Variants in RAET1E observed in about 807,000 individuals in gnomAD.
RAET1E encodes the protein retinoic acid early transcript 1E, also known as NKG2D ligand 4.
Under a neutral mutation model 21.1 loss-of-function variants are expected in RAET1E, and 27 were observed. The ratio of observed to expected loss-of-function variants is 1.28; its 90% CI spans 0.94 to 1.76. RAET1E has a LOEUF of 1.76. RAET1E is among the 40% of genes most tolerant of loss of function. The pLI, the probability that RAET1E is intolerant of heterozygous loss-of-function variation, is 0.00. For synonymous variants in RAET1E, 113 were observed against 115.0 expected (o/e 0.98, Z 0.11); for missense variants, 310 against 311.3 (o/e 1.00, Z 0.03).
rs926472343 is a variant in RAET1E at position 149,887,858 on chromosome 6, G to A, written c.*640C>T. Among the ~76,000 whole-genome samples, 2 of 152,184 alleles carry A rather than the reference G, an allele frequency of 1.3e-5. No homozygotes were observed. Among genetic ancestry groups the A allele is most frequent in the South Asian group, 2.1e-4 (1 of 4,832 alleles). On this transcript the variant is annotated 3_prime_UTR_variant, in exon 6 of 6. Transcript: ENST00000357183. ...GAATTCTTCATGTCAGAGCAGTGGCGGAGAAACAGGACCAAAGAGCAGAAG... is the reference window on the plus strand; with the variant it reads ...GAATTCTTCATGTCAGAGCAGTGGCAGAGAAACAGGACCAAAGAGCAGAAG...
In RAET1E at chr6:149,886,635, T is replaced by C. The variant is rs1192862128; in HGVS notation, c.*1863A>G. Among the ~76,000 whole-genome samples the C allele has an allele frequency of 6.6e-6, 1 of 152,220 alleles. No individual in the cohort carries two copies. Among genetic ancestry groups the C allele is most frequent in the African/African-American group, 2.4e-5 (1 of 41,462 alleles). On this transcript the variant is annotated 3_prime_UTR_variant, in exon 6 of 6. Transcript: ENST00000357183. ...GTCTCGAACTCCTGACCTCAAATGA[T>C]CCACCCAACTTGGCCTCCCAAAGTG...
At position 149,886,936 on chromosome 6, in the gene RAET1E, C is replaced by T. The variant is rs60731777; in HGVS notation, c.*1562G>A. Among the ~76,000 whole-genome samples, 9 of 152,282 alleles carry T rather than the reference C, an allele frequency of 5.9e-5. No homozygotes were observed. The highest frequency in any genetic ancestry group is 3.9e-4 in the East Asian group (2 of 5,178). The stretch of plus-strand genomic sequence containing the variant: ...CTTCCCCGTGACAGAGAAATCCATG[C>T]GACACAGTGGGGAGGCCCTCCCCAA... On this transcript the variant is annotated 3_prime_UTR_variant, in exon 6 of 6. Transcript: ENST00000357183.
At chr6:149,896,774 C>T (rs1778133504) in intron 1 of RAET1E, among the ~76,000 whole-genome samples, 1 of 152,050 alleles carries the variant, frequency 6.6e-6, no homozygotes, top group Non-Finnish European at 1.5e-5. Flanking sequence ...GGAAGGAGCA[C>T]ACCAGGCCTA....
rs774126862 is a variant in RAET1E at position 149,891,007 on chromosome 6, C to CT, written c.-107dup. 6.3e-5 allele frequency: 50 copies of CT among 791,742 alleles called. No homozygotes were observed. Among genetic ancestry groups the CT allele is most frequent in the Non-Finnish European group, 9.8e-5 (45 of 460,262 alleles). The allele number at this position is 791,742 out of a possible 1,614,324, so 49.0% of individuals were successfully genotyped here. A position where few individuals can be genotyped will look rare whatever the true frequency, so the allele number is the denominator to read the frequency against. ...CGTGGGTGTGGGCACTGCCCAAATT[C>CT]TTTACCCTGGAACAACTGAGGTCAG... On this transcript the variant is annotated 5_prime_UTR_variant, in exon 3 of 6. Coordinates refer to ENST00000357183, the MANE Select transcript of RAET1E (RefSeq NM_001394057.1).
rs1777576444 is a variant in RAET1E, at chr6:149,885,656, G to C, written c.*2842C>G. The stretch of plus-strand genomic sequence containing the variant: ...AGATAGTCACTGACATGATTCAAAG[G>C]ATTAGCACTTGGTACAGGTAGGATG... On this transcript the variant is annotated 3_prime_UTR_variant, in exon 6 of 6. Coordinates refer to ENST00000357183, the MANE Select transcript of RAET1E (RefSeq NM_001394057.1). The C allele has an allele frequency of 6.6e-6, 1 of 152,376 alleles. No homozygotes were observed. Among genetic ancestry groups the C allele is most frequent in the Non-Finnish European group, 1.5e-5 (1 of 68,196 alleles). 9.4% of individuals were successfully genotyped at this position (152,376 alleles called of 1,614,324 possible).
intron 2 of RAET1E, among the ~76,000 whole-genome samples, chr6:149,891,709 A>T (rs1462650695): frequency 6.6e-6 from 1 of 152,110 alleles, no homozygotes; most frequent in East Asian, 1.9e-4. Context: ...CAACATAGTA[A>T]GACTCCATCT....
intron 2 of RAET1E, among the ~76,000 whole-genome samples, chr6:149,891,494 G>GTGTGTGTGTGTGTGTT (rs753961216): frequency 0.013 from 2,033 of 152,118 alleles, 62 homozygotes; most frequent in African/African-American, 0.047. Context: ...TTGTGTGTGT[G>GTGTGTGTGTGTGTGTT]TGTGTGTGTG....
In RAET1E at chr6:149,890,773, C is replaced by T. The variant is rs150753877; in HGVS notation, c.85+44G>A. 1,680 of 1,404,784 alleles carry T rather than the reference C, an allele frequency of 1.2e-3. 15 individuals carry two copies. In the African/African-American group the frequency reaches 0.021, roughly 17 times the overall value. 87.0% of individuals were successfully genotyped at this position (1,404,784 alleles called of 1,614,324 possible). A position where few individuals can be genotyped will look rare whatever the true frequency, so the allele number is the denominator to read the frequency against. ...CATTCGCCTACCCCCTACCTTTCTCCCTCCTCCTTGTCCTCAGCCAGTTCT... is the reference window on the plus strand; with the variant it reads ...CATTCGCCTACCCCCTACCTTTCTCTCTCCTCCTTGTCCTCAGCCAGTTCT... On this transcript the variant is annotated intron_variant, in intron 3 of 5. Transcript: ENST00000357183.
Position 149,888,098 on chromosome 6 carries a change from A to T in RAET1E, c.*400T>A. On this transcript the variant is annotated 3_prime_UTR_variant, in exon 6 of 6. Coordinates refer to ENST00000357183, the MANE Select transcript of RAET1E (RefSeq NM_001394057.1). ...TTAGAGGGTGGTGAAAGGATTTCTT[A>T]TACCACATCTTGTATGTTATCTGGG... 6.5e-6 allele frequency: 3 copies of T among 464,896 alleles called. No homozygotes were observed. Among genetic ancestry groups the T allele is most frequent in the South Asian group, 4.7e-5 (3 of 63,746 alleles). The allele number at this position is 464,896 out of a possible 1,614,324, so 28.8% of individuals were successfully genotyped here. A position where few individuals can be genotyped will look rare whatever the true frequency, so the allele number is the denominator to read the frequency against.
At chr6:149,890,714 A>T (rs968124938) in intron 3 of RAET1E, 103 bp downstream of exon 3, 3 of 769,552 alleles carry the variant, frequency 3.9e-6, no homozygotes, top group Non-Finnish European at 6.9e-6. Flanking sequence ...CCTTAAGAGC[A>T]GGCACCCACT....
intron 2 of RAET1E, 25 bp from the exon 3 acceptor site, chr6:149,891,059 A>G (rs1223030016): frequency 3.6e-6 from 2 of 552,856 alleles, no homozygotes; most frequent in Non-Finnish European, 6.5e-6. Context: ...TTAAAGAACA[A>G]TTTTGTGAAG....
At chr6:149,894,225 C>T (rs1220984631) in intron 2 of RAET1E, among the ~76,000 whole-genome samples, 1 of 152,072 alleles carries the variant, frequency 6.6e-6, no homozygotes, top group African/African-American at 2.4e-5. Context: ...AGGGAGGATT[C>T]CCTCTTTTTC....
rs1471433058 is a variant in RAET1E, at chr6:149,889,372, A to C, written c.598T>G (p.Trp200Gly). ...DHWLREFLGH[W>G]EAMPEPTVSP... is the part of the protein sequence containing the mutation. The stretch of plus-strand genomic sequence containing the variant: ...CCTGTCGGTTCTGGCATTGCCTCCC[A>C]GTGCCCTAAGAATTCCCTGAGCCAG... Residue 200 changes from tryptophan to glycine, a missense_variant, in exon 5 of 6, where the codon TGG (tryptophan) becomes GGG (glycine). Trp to Gly is a radical substitution (Grantham distance 184). Coordinates refer to ENST00000357183, the MANE Select transcript of RAET1E (RefSeq NM_001394057.1). 6.2e-7 allele frequency: 1 copy of C among 1,614,176 alleles called. No homozygotes were observed. The highest frequency in any genetic ancestry group is 8.5e-7 in the Non-Finnish European group (1 of 1,180,038).
chr6:149,895,042 C>T (rs1363341928), intron 2 of RAET1E, among the ~76,000 whole-genome samples: 2 of 152,130 alleles, frequency 1.3e-5, no homozygotes, highest in Non-Finnish European at 2.9e-5. Context: ...TGGAGTTTGC[C>T]GGTGGTCCAC....
Position 149,886,320 on chromosome 6 carries a change from A to C in RAET1E, c.*2178T>G, listed in dbSNP as rs1226249534. On this transcript the variant is annotated 3_prime_UTR_variant, in exon 6 of 6. Coordinates refer to ENST00000357183, the MANE Select transcript of RAET1E (RefSeq NM_001394057.1). The stretch of plus-strand genomic sequence containing the variant: ...TTTTCCAGATAGCTTCCTGCTGTTG[A>C]TTTCTAGTTTATTTCCATTGTGCTT... 6.6e-6 allele frequency among the ~76,000 whole-genome samples: 1 copy of C among 152,064 alleles called. No homozygotes were observed. The highest frequency in any genetic ancestry group is 2.4e-5 in the African/African-American group (1 of 41,380).
chr6:149,890,874 G>A lies in RAET1E; in HGVS notation c.28C>T (p.Pro10Ser). Reference protein sequence around the residue: MRRISLTSSPVRLLLFLLLL... With the variant: MRRISLTSSSVRLLLFLLLL... ...AGCAGAAACAAAAGAAGGCGCACAG[G>A]GCTAGAAGTCAGGGATATTCTTCGC... The change falls in exon 3 of 6, where the codon CCT (proline) becomes TCT (serine). Residue 10 changes from proline (P) to serine (S), a missense_variant. Pro to Ser is a moderately conservative substitution (Grantham distance 74). Coordinates refer to ENST00000357183, the MANE Select transcript of RAET1E (RefSeq NM_001394057.1). 2 of 1,613,384 alleles carry A rather than the reference G, an allele frequency of 1.2e-6. No homozygotes were observed. Among genetic ancestry groups the A allele is most frequent in the Non-Finnish European group, 1.7e-6 (2 of 1,179,408 alleles).
chr6:149,888,367 T>A lies in RAET1E; in HGVS notation c.*131A>T. On this transcript the variant is annotated 3_prime_UTR_variant, in exon 6 of 6. Transcript: ENST00000357183. Reference sequence around the variant, plus strand: ...TCATCCCTCCTCTCACTGCACATTGTGCTGCCAGCCCTGCTGTGTAGTGTG... The same window carrying A: ...TCATCCCTCCTCTCACTGCACATTGAGCTGCCAGCCCTGCTGTGTAGTGTG... 1.8e-6 allele frequency: 2 copies of A among 1,109,248 alleles called. No individual in the cohort carries two copies. Among genetic ancestry groups the A allele is most frequent in the Non-Finnish European group, 2.6e-6 (2 of 759,344 alleles). The allele number at this position is 1,109,248 out of a possible 1,614,324, so 68.7% of individuals were successfully genotyped here. A position where few individuals can be genotyped will look rare whatever the true frequency, so the allele number is the denominator to read the frequency against.
At position 149,890,165 on chromosome 6, in the gene RAET1E, G is replaced by A; in HGVS notation, c.86-20C>T. Reference sequence around the variant, plus strand: ...GACCACCTGTGAGACAAAGATGCAGGTGAGGTCCAGGACAGGGGAAGAGGC... The same window carrying A: ...GACCACCTGTGAGACAAAGATGCAGATGAGGTCCAGGACAGGGGAAGAGGC... On this transcript the variant is annotated intron_variant, in intron 3 of 5. Coordinates refer to ENST00000357183, the MANE Select transcript of RAET1E (RefSeq NM_001394057.1). The A allele has an allele frequency of 1.2e-6, 2 of 1,613,446 alleles. No individual in the cohort carries two copies. The highest frequency in any genetic ancestry group is 1.3e-5 in the African/African-American group (1 of 74,976).
intron 4 of RAET1E, 124 bp downstream of exon 4, chr6:149,889,761 C>A (rs1273223716): frequency 1.4e-6 from 2 of 1,478,900 alleles, no homozygotes; most frequent in Non-Finnish European, 1.8e-6. Context: ...CATTGGGTCC[C>A]ATGTGCCTCT....
Sources: allele counts gnomAD v4.1 joint callset (sites outside exome capture counted in the v4.1 genomes callset), GRCh38; gene constraint gnomAD v4.1.1; transcripts MANE v1.5; gene names NCBI Gene and HGNC (gene_info 2026-07-23, HGNC 2026-07-21).